The following RARB variants were observed in gnomAD, a reference collection of about 807,000 sequenced individuals.
RARB encodes retinoic acid receptor beta.
A neutral mutation model predicts 51.9 loss-of-function variants in RARB; 17 were observed. That is an observed-to-expected ratio of 0.33 (90% CI 0.22 to 0.49). The LOEUF is 0.49. Among genes scored for constraint, RARB ranks in the 20% least tolerant of loss-of-function variants. The pLI, the probability that RARB is intolerant of heterozygous loss-of-function variation, is 0.99. For missense variants in RARB, 369 were observed against 550.8 expected, an observed-to-expected ratio of 0.67 and a Z score of 3.30; for synonymous variants, 215 against 195.4, an observed-to-expected ratio of 1.10 and a Z score of -0.84.
intron 2 of RARB, among the ~76,000 whole-genome samples, chr3:24,989,396 A>AGGTGTACCTTCTTTTAC (rs367896093): frequency 1.4e-4 from 16 of 114,792 alleles, no homozygotes; most frequent in South Asian, 3.0e-4. Context: ...ACGTAGGAAA[A>AGGTGTACCTTCTTTTAC]CATTACTGAA....
At chr3:25,062,360 T>G (rs1575142018) in intron 3 of RARB, among the ~76,000 whole-genome samples, 1 of 152,074 alleles carries the variant, frequency 6.6e-6, no homozygotes, top group East Asian at 1.9e-4. Flanking sequence ...ATCTCTACTC[T>G]TATTCCTTGT....
rs148312892 is a variant in RARB at position 25,254,787 on chromosome 3, T to C, written c.178+80212T>C. Among the ~76,000 whole-genome samples the C allele has an allele frequency of 6.4e-3, 977 of 152,126 alleles. 4 individuals carry two copies. Among genetic ancestry groups the C allele is most frequent in the Non-Finnish European group, 0.011 (777 of 67,964 alleles). On this transcript the variant is annotated intron_variant, in intron 5 of 11. Transcript: ENST00000383772. ...TGAAATAGGATAAAGAAGAAGACAG[T>C]GTGATGATATTTGGACGGATATAAA...
At chr3:24,919,408 G>A (rs1284707275) in intron 2 of RARB, among the ~76,000 whole-genome samples, 1 of 152,164 alleles carries the variant, frequency 6.6e-6, no homozygotes, top group Admixed American at 6.5e-5. Flanking sequence ...CTACTCTTGT[G>A]CCAATCATCG....
chr3:25,501,304 A>G lies in RARB; in HGVS notation c.429A>G (p.Glu143=). Residue 143 remains glutamate (E), a synonymous_variant, in exon 3 of 8, where the codon GAA becomes GAG. Coordinates refer to ENST00000330688, the MANE Select transcript of RARB (RefSeq NM_000965.5). ...CQYCRLQKCF[E]VGMSKESVRN... ...ACTGTCGACTCCAGAAGTGCTTTGA[A>G]GTGGGAATGTCCAAAGAATGTAAGT... is the stretch of plus-strand genomic sequence containing the variant. 1 of 1,609,416 alleles carries G rather than the reference A, an allele frequency of 6.2e-7. No homozygotes were observed. The highest frequency in any genetic ancestry group is 8.5e-7 in the Non-Finnish European group (1 of 1,178,938).
chr3:24,915,331 G>T (rs993223721), intron 2 of RARB, among the ~76,000 whole-genome samples: 2 of 152,138 alleles, frequency 1.3e-5, no homozygotes, highest in Non-Finnish European at 2.9e-5. Context: ...TCATATATTT[G>T]AAATATTTTA....
intron 5 of RARB, among the ~76,000 whole-genome samples, chr3:25,362,097 G>T (rs7646375): frequency 6.6e-6 from 1 of 151,728 alleles, no homozygotes; most frequent in Non-Finnish European, 1.5e-5. Context: ...CCTTCCTCTA[G>T]GTGCTGTGTC....
chr3:25,591,406 T>C (rs1701608855), intron 5 of RARB, among the ~76,000 whole-genome samples: 1 of 152,190 alleles, frequency 6.6e-6, no homozygotes, highest in Non-Finnish European at 1.5e-5. Flanking sequence ...GTAAGGCCGA[T>C]ATCGAAATCA....
At chr3:25,485,021 TTG>T (rs1696393599) in intron 2 of RARB, among the ~76,000 whole-genome samples, 1 of 152,250 alleles carries the variant, frequency 6.6e-6, no homozygotes, top group African/African-American at 2.4e-5. Flanking sequence ...GTAAATAATT[TTG>T]TGTTTCACAC....
chr3:25,293,204 T>A (rs1575289409), intron 5 of RARB, among the ~76,000 whole-genome samples: 1 of 152,102 alleles, frequency 6.6e-6, no homozygotes, highest in Admixed American at 6.6e-5. Flanking sequence ...GTACTGTAGT[T>A]AAAAATGTGG....
chr3:25,076,815 AG>A (rs1413037407), intron 3 of RARB, among the ~76,000 whole-genome samples: 1 of 152,222 alleles, frequency 6.6e-6, no homozygotes, highest in African/African-American at 2.4e-5. Flanking sequence ...ACCACATGGA[AG>A]AACAAGAGAT....
intron 2 of RARB, among the ~76,000 whole-genome samples, chr3:24,913,174 C>T (rs1046435982): frequency 7.3e-5 from 11 of 151,462 alleles, no homozygotes; most frequent in South Asian, 2.1e-4. Context: ...TTAGTAGAGA[C>T]GGGGTTTCAC....
intron 2 of RARB, among the ~76,000 whole-genome samples, chr3:24,929,903 A>C (rs931189727): frequency 3.3e-5 from 5 of 152,158 alleles, no homozygotes; most frequent in Non-Finnish European, 7.4e-5. Context: ...ATTACAAAGA[A>C]TAATGTGTAT....
intron 2 of RARB, among the ~76,000 whole-genome samples, chr3:24,860,858 A>C (rs1702737049): frequency 6.6e-6 from 1 of 152,186 alleles, no homozygotes; most frequent in South Asian, 2.1e-4. Flanking sequence ...ACATGAACTC[A>C]AGGGGCTTCT....
chr3:25,438,193 G>A (rs766213912), intron 1 of RARB, among the ~76,000 whole-genome samples: 4 of 152,130 alleles, frequency 2.6e-5, no homozygotes, highest in East Asian at 1.9e-4. Flanking sequence ...GCAGTATTCC[G>A]AGAGAGAGTG....
chr3:25,264,470 A>G (rs1387540430), intron 5 of RARB, among the ~76,000 whole-genome samples: 1 of 152,142 alleles, frequency 6.6e-6, no homozygotes, highest in Non-Finnish European at 1.5e-5. Context: ...CTGTTGTTGG[A>G]TCTTCAAGTA....
At chr3:25,055,120 CAA>C (rs937414887) in intron 2 of RARB, among the ~76,000 whole-genome samples, 2 of 152,094 alleles carry the variant, frequency 1.3e-5, no homozygotes, top group African/African-American at 4.8e-5. Context: ...AAGCAATTCT[CAA>C]GAGTAACAAA....
chr3:25,196,832 A>G (rs1432634912), intron 5 of RARB, among the ~76,000 whole-genome samples: 1 of 151,980 alleles, frequency 6.6e-6, no homozygotes, highest in Non-Finnish European at 1.5e-5. Context: ...GATAATGAGC[A>G]TTTTTTCGTG....
chr3:24,943,126 A>G (rs1559405662), intron 2 of RARB, among the ~76,000 whole-genome samples: 1 of 152,216 alleles, frequency 6.6e-6, no homozygotes, highest in Non-Finnish European at 1.5e-5. Context: ...AGATTCCTAA[A>G]TCAGACTATG....
intron 3 of RARB, among the ~76,000 whole-genome samples, chr3:25,547,763 G>A (rs1353172938): frequency 6.6e-6 from 1 of 152,212 alleles, no homozygotes; most frequent in African/African-American, 2.4e-5. Flanking sequence ...TGGACATAGA[G>A]AAGGCAGAGA....
Sources: gnomAD v4.1 joint callset for allele counts (sites outside exome capture counted in the v4.1 genomes callset) on GRCh38, gnomAD v4.1.1 for gene constraint, MANE v1.5 for transcripts, NCBI Gene and HGNC (gene_info 2026-07-23, HGNC 2026-07-21) for gene names.